Variants in SHROOM3 observed in about 807,000 individuals in gnomAD.
SHROOM3 encodes protein Shroom3.
SHROOM3 carries 47 observed loss-of-function variants against 138.6 expected under a neutral mutation model. That is an observed-to-expected ratio of 0.34 (90% CI 0.27 to 0.43). The LOEUF (loss-of-function observed/expected upper bound fraction) is 0.43. Ranked by LOEUF, SHROOM3 falls within the 20% of genes least tolerant of loss-of-function variation. SHROOM3 has a pLI of 1.00. For missense variants in SHROOM3, 2,491 were observed against 2,596.5 expected (o/e 0.96, Z 0.88); for synonymous variants, 1,062 against 1,063.3 (o/e 1.00, Z 0.02).
chr4:76,601,163 T>TA, intron 2 of SHROOM3, among the ~76,000 whole-genome samples: 1 of 152,318 alleles, frequency 6.6e-6, no homozygotes, highest in Non-Finnish European at 1.5e-5. Context: ...TGGTGACAGT[T>TA]AAAAATTTAC....
rs1406885372 is a variant in SHROOM3, at chr4:76,779,184, C to A, written c.*7C>A. 50 of 1,590,336 alleles carry A rather than the reference C, an allele frequency of 3.1e-5. 1 individual carries two copies. The highest frequency in any genetic ancestry group is 2.4e-5 in the Non-Finnish European group (28 of 1,167,632). On this transcript the variant is annotated 3_prime_UTR_variant, in exon 11 of 11. Transcript: ENST00000296043. ...ATTAACCTCTCCACTTTAACCTCTT[C>A]TAAAATACCCAACCAAAAGATCACT...
At chr4:76,496,428 T>C (rs556996147) in intron 1 of SHROOM3, among the ~76,000 whole-genome samples, 2 of 152,312 alleles carry the variant, frequency 1.3e-5, no homozygotes, top group East Asian at 3.9e-4. Flanking sequence ...CTTGGAGGTA[T>C]GGAATTTCCC....
intron 1 of SHROOM3, among the ~76,000 whole-genome samples, chr4:76,530,959 A>G (rs1256711981): frequency 1.3e-5 from 2 of 152,102 alleles, no homozygotes; most frequent in African/African-American, 4.8e-5. Flanking sequence ...GCTTTCCCAG[A>G]TTGTCCTAGG....
intron 2 of SHROOM3, chr4:76,645,299 C>A (rs1158619754): frequency 6.6e-6 from 1 of 152,156 alleles, no homozygotes; most frequent in Admixed American, 6.6e-5. Flanking sequence ...CTCTCTCCAG[C>A]CTCTCCCCAC....
intron 3 of SHROOM3, among the ~76,000 whole-genome samples, chr4:76,727,867 G>A (rs1265469058): frequency 6.8e-5 from 6 of 87,826 alleles, no homozygotes; most frequent in African/African-American, 2.0e-4. Context: ...CAGCCTGGGC[G>A]ATAGAGCAAG....
intron 1 of SHROOM3, among the ~76,000 whole-genome samples, chr4:76,450,955 ATTT>A (rs148176073): frequency 1.3e-5 from 2 of 148,654 alleles, no homozygotes; most frequent in Admixed American, 6.7e-5. Flanking sequence ...TTTAGTATTG[ATTT>A]TTTTTTTTTT....
chr4:76,502,920 T>A (rs1161898035), intron 1 of SHROOM3, among the ~76,000 whole-genome samples: 2 of 152,200 alleles, frequency 1.3e-5, no homozygotes, highest in African/African-American at 4.8e-5. Flanking sequence ...TTCACTGCAA[T>A]GTCATACTTT....
At chr4:76,620,750 T>G (rs1182132909) in intron 2 of SHROOM3, among the ~76,000 whole-genome samples, 1 of 152,116 alleles carries the variant, frequency 6.6e-6, no homozygotes, top group Non-Finnish European at 1.5e-5. Flanking sequence ...CTAGAGGCAG[T>G]GAAAAGATGG....
Position 76,740,343 on chromosome 4 carries a change from C to T in SHROOM3, c.2170C>T (p.Arg724Trp). 1 of 1,613,064 alleles carries T rather than the reference C, an allele frequency of 6.2e-7. No homozygotes were observed. Among genetic ancestry groups the T allele is most frequent in the Non-Finnish European group, 8.5e-7 (1 of 1,180,018 alleles). ...TCTGGACCGGCAGGTTTCCTACCCGCGGCCCGAGGGGAGGACCGGTGCCTC... is the reference window on the plus strand; with the variant it reads ...TCTGGACCGGCAGGTTTCCTACCCGTGGCCCGAGGGGAGGACCGGTGCCTC... The part of the protein sequence containing the change: ...SHLDRQVSYP[R>W]PEGRTGASAS... The change falls in exon 5 of 11, where the codon CGG (arginine) becomes TGG (tryptophan). Residue 724 changes from arginine (R) to tryptophan (W), a missense_variant. Arg to Trp is a moderately radical substitution (Grantham distance 101, BLOSUM62 -3). Transcript: ENST00000296043. This position sits in a 1 kb window ranked among gnomAD's most constrained non-coding sequence, Gnocchi z 4.0.
At chr4:76,695,680 TG>T (rs1287281814) in intron 2 of SHROOM3, among the ~76,000 whole-genome samples, 1 of 152,222 alleles carries the variant, frequency 6.6e-6, no homozygotes, top group African/African-American at 2.4e-5. Context: ...TAAATAAATA[TG>T]GATCCTAGTA....
chr4:76,534,637 C>T (rs1732911358), intron 1 of SHROOM3, among the ~76,000 whole-genome samples: 1 of 152,108 alleles, frequency 6.6e-6, no homozygotes, highest in African/African-American at 2.4e-5. Flanking sequence ...AGGGCAAGCA[C>T]TTGCCATTGT....
chr4:76,759,794 G>A, intron 9 of SHROOM3, 99 bp downstream of exon 9: 2 of 1,397,986 alleles, frequency 1.4e-6, no homozygotes, highest in South Asian at 2.5e-5. Flanking sequence ...GGCAGGTGGG[G>A]AAAGGACCTG....
At chr4:76,529,335 GAGAC>G (rs938069792) in intron 1 of SHROOM3, among the ~76,000 whole-genome samples, 1 of 148,722 alleles carries the variant, frequency 6.7e-6, no homozygotes, top group Non-Finnish European at 1.5e-5. Context: ...TTTTTTTTCT[GAGAC>G]AGAGTCTCGC....
intron 8 of SHROOM3, among the ~76,000 whole-genome samples, chr4:76,757,735 A>G (rs1250270118): frequency 6.6e-6 from 1 of 152,162 alleles, no homozygotes; most frequent in African/African-American, 2.4e-5. Context: ...CACGTGTCCC[A>G]GTGTGCAGTC....
At chr4:76,656,089 T>C (rs1736061053) in intron 2 of SHROOM3, among the ~76,000 whole-genome samples, 1 of 152,178 alleles carries the variant, frequency 6.6e-6, no homozygotes, top group African/African-American at 2.4e-5. Context: ...TCAGGCATGG[T>C]GAGGGCGCCA....
chr4:76,688,029 C>T (rs1244235253), intron 2 of SHROOM3, among the ~76,000 whole-genome samples: 1 of 152,226 alleles, frequency 6.6e-6, no homozygotes, highest in Non-Finnish European at 1.5e-5. Flanking sequence ...ACTGCAAGGG[C>T]TGACCACTTC....
At chr4:76,539,638 A>C (rs1256019390) in intron 1 of SHROOM3, among the ~76,000 whole-genome samples, 1 of 152,198 alleles carries the variant, frequency 6.6e-6, no homozygotes, top group Non-Finnish European at 1.5e-5. Context: ...TGAAATAGGT[A>C]TTATTAACTT....
chr4:76,614,245 A>G (rs1031604416), intron 2 of SHROOM3, among the ~76,000 whole-genome samples: 3 of 151,908 alleles, frequency 2.0e-5, no homozygotes, highest in South Asian at 2.1e-4. Context: ...TAGTAGAGAC[A>G]GGGTTTCACC....
At chr4:76,542,016 C>T (rs1234474553) in intron 1 of SHROOM3, among the ~76,000 whole-genome samples, 2 of 136,304 alleles carry the variant, frequency 1.5e-5, no homozygotes, top group African/African-American at 5.5e-5. Context: ...ATTTCATTTC[C>T]TACCTCCCCC....
Sources: gnomAD v4.1 joint callset for allele counts (sites outside exome capture counted in the v4.1 genomes callset) on GRCh38, gnomAD v4.1.1 for gene constraint, Gnocchi (gnomAD v3.1) non-coding constraint, MANE v1.5 for transcripts, NCBI Gene and HGNC (gene_info 2026-07-23, HGNC 2026-07-21) for gene names.